STRA6: variants seen among roughly 807,000 people sequenced by gnomAD.
STRA6 encodes the protein signaling receptor and transporter of retinol STRA6.
In STRA6, 48 loss-of-function variants were observed where a neutral mutation model predicts 83.6. The ratio of observed to expected loss-of-function variants is 0.57; its 90% confidence interval spans 0.46 to 0.73. The LOEUF (loss-of-function observed/expected upper bound fraction) is 0.73, where lower values mean the gene tolerates loss of function less well. STRA6 is among the 30% of genes least tolerant of loss of function. STRA6 has a pLI of 0.00. For synonymous variants in STRA6, 353 were observed against 362.3 expected, an observed-to-expected ratio of 0.97 and a Z score of 0.29; for missense variants, 760 against 838.8, an observed-to-expected ratio of 0.91 and a Z score of 1.16.
rs2073020157 is a variant in STRA6 at position 74,182,061 on chromosome 15, G to A, written c.1520+100C>T. On this transcript the variant is annotated intron_variant, in intron 16 of 18. Transcript: ENST00000395105. ...ACTATCATCTGGGTTCCTTGATAGA[G>A]AGAAGGGATAGATGGCAGTGGAGGG... 6 of 1,059,356 alleles carry A rather than the reference G, an allele frequency of 5.7e-6. No homozygotes were observed. The Admixed American group carries it at 8.9e-5, about 16-fold the overall frequency. 65.6% of individuals were successfully genotyped at this position (1,059,356 alleles called of 1,614,324 possible).
rs747355450 is a variant in STRA6, at chr15:74,185,012, G to A, written c.1134C>T (p.Phe378=). Residue 378 remains phenylalanine (F), a synonymous_variant, in exon 13 of 19, where the codon TTC becomes TTT. Coordinates refer to ENST00000395105, the MANE Select transcript of STRA6 (RefSeq NM_022369.4). ...TCACCAGTGAGCGCATCAGGACCAGGAAGGTGAGTAAGCAGGACAAGACCA... is the reference window on the plus strand; with the variant it reads ...TCACCAGTGAGCGCATCAGGACCAGAAAGGTGAGTAAGCAGGACAAGACCA... ...SALVLSCLLT[F]LVLMRSLVTH... 1.2e-5 allele frequency: 20 copies of A among 1,613,954 alleles called. No homozygotes were observed. The highest frequency in any genetic ancestry group is 3.3e-4 in the Middle Eastern group (2 of 6,084).
intron 8 of STRA6, chr15:74,191,940 G>T: frequency 3.6e-6 from 1 of 281,306 alleles, no homozygotes; most frequent in South Asian, 4.1e-5. Context: ...CTGCCACTGC[G>T]CAAGGGAGAT....
chr15:74,190,290 G>A (rs2073465888), intron 11 of STRA6, among the ~76,000 whole-genome samples: 1 of 152,304 alleles, frequency 6.6e-6, no homozygotes, highest in East Asian at 1.9e-4. Flanking sequence ...CTTAGGCTAC[G>A]CTGAGATATT....
Position 74,195,382 on chromosome 15 carries a change from G to A in STRA6, c.517C>T (p.His173Tyr). The A allele has an allele frequency of 6.2e-7, 1 of 1,613,712 alleles. No individual in the cohort carries two copies. The highest frequency in any genetic ancestry group is 1.1e-5 in the South Asian group (1 of 91,054). Residue 173 changes from histidine (H) to tyrosine (Y), a missense_variant, in exon 7 of 19, where the codon CAC (histidine) becomes TAC (tyrosine). Coordinates refer to ENST00000395105, the MANE Select transcript of STRA6 (RefSeq NM_022369.4). Reference protein sequence around the residue: ...ACATAGHTAAHLLGSTLSWAH... With the variant: ...ACATAGHTAAYLLGSTLSWAH... ...CAGGACAGCGTGCTGCCGAGCAGGTGTGCAGCTGTGTGGCCAGCCGTGGCA... is the reference window on the plus strand; with the variant it reads ...CAGGACAGCGTGCTGCCGAGCAGGTATGCAGCTGTGTGGCCAGCCGTGGCA...
chr15:74,188,557 G>A lies in STRA6; in HGVS notation c.1090+558C>T, dbSNP rs28498644. ...TCCCCTCCACAGCGCTGTTGGGAGCGCCCAGGAGGCAGAGTAAGTAGGTGG... is the reference window on the plus strand; with the variant it reads ...TCCCCTCCACAGCGCTGTTGGGAGCACCCAGGAGGCAGAGTAAGTAGGTGG... On this transcript the variant is annotated intron_variant, in intron 12 of 18. Transcript: ENST00000395105. The surrounding 1 kb of genome is among the most constrained non-coding windows in gnomAD (Gnocchi z 4.5). Among the ~76,000 whole-genome samples, 4 of 152,338 alleles carry A rather than the reference G, an allele frequency of 2.6e-5. No individual in the cohort carries two copies. Among genetic ancestry groups the A allele is most frequent in the South Asian group, 4.1e-4 (2 of 4,830 alleles).
upstream of STRA6, among the ~76,000 whole-genome samples, chr15:74,210,906 C>T (rs980630746): frequency 6.6e-6 from 1 of 152,160 alleles, no homozygotes; most frequent in Admixed American, 6.5e-5. Flanking sequence ...AGCTGGATCT[C>T]AGGCAGCCAT....
upstream of STRA6, among the ~76,000 whole-genome samples, chr15:74,204,590 C>T (rs1490111246): frequency 1.3e-5 from 2 of 152,202 alleles, no homozygotes; most frequent in South Asian, 4.1e-4. Context: ...GAGCCCACTC[C>T]CTCTACAAGG....
In STRA6 at chr15:74,193,871, CGAGGCCCAGCAGGA is replaced by C. The variant is rs1162387754; in HGVS notation, c.635_648del (p.Leu212ArgfsTer18). The C allele has an allele frequency of 1.2e-6, 2 of 1,613,904 alleles. No homozygotes were observed. The highest frequency in any genetic ancestry group is 3.3e-5 in the Admixed American group (2 of 59,998). On this transcript the variant is annotated frameshift_variant, in exon 8 of 19. Coordinates refer to ENST00000395105, the MANE Select transcript of STRA6 (RefSeq NM_022369.4). LOFTEE classifies it high-confidence loss of function. ...ACAGGGTACCAAAGGCTCAGGAATC[CGAGGCCCAGCAGGA>C]GAGGCAGGGAGGCCAGCAGGGAGTA... is the stretch of plus-strand genomic sequence containing the variant.
chr15:74,195,065 C>T, intron 7 of STRA6: 2 of 1,447,122 alleles, frequency 1.4e-6, no homozygotes, highest in Non-Finnish European at 9.1e-7. Flanking sequence ...ACTTCCCCTT[C>T]TCCGCCACCT....
chr15:74,180,369 C>T, intron 18 of STRA6, 126 bp from the exon 19 acceptor site: 2 of 1,207,744 alleles, frequency 1.7e-6, no homozygotes, highest in South Asian at 2.6e-5. Context: ...AGGATGTCCC[C>T]TGCAGGCAGC....
intron 16 of STRA6, 61 bp from the exon 17 acceptor site, chr15:74,181,519 T>TGTCAGA: frequency 6.3e-7 from 1 of 1,591,236 alleles, no homozygotes; most frequent in Non-Finnish European, 8.6e-7. Context: ...CCAGGGTCAG[T>TGTCAGA]GTCAGACCTG....
intron 10 of STRA6, 48 bp from the exon 11 acceptor site, chr15:74,190,949 C>CGGGA: frequency 6.2e-7 from 1 of 1,612,216 alleles, no homozygotes; most frequent in Middle Eastern, 1.6e-4. Context: ...CACTCAGGCC[C>CGGGA]GGGAGCCCTC....
At chr15:74,191,541 T>G (rs760501265) in intron 8 of STRA6, 50 bp from the exon 9 acceptor site, 3 of 1,516,430 alleles carry the variant, frequency 2.0e-6, no homozygotes, top group South Asian at 1.1e-5. Context: ...CTCGACCCAT[T>G]CGTGGGTCCC....
At chr15:74,209,577 G>A, upstream of STRA6, 1 of 742,000 alleles carries the variant, frequency 1.3e-6, no homozygotes, top group Non-Finnish European at 2.1e-6. Context: ...CCCCCTCGGA[G>A]CTTTCTCTTC....
intron 1 of STRA6, chr15:74,207,998 T>A (rs2074301799): frequency 7.1e-7 from 1 of 1,402,314 alleles, no homozygotes; most frequent in Non-Finnish European, 9.3e-7. Flanking sequence ...AAGCACCATC[T>A]GATGTGCCCT....
At chr15:74,195,235 G>A in intron 7 of STRA6, 67 bp downstream of exon 7, 1 of 1,586,304 alleles carries the variant, frequency 6.3e-7, no homozygotes, top group Non-Finnish European at 8.6e-7. Flanking sequence ...GCTCAAAGGA[G>A]GCACTGTGGT....
At chr15:74,190,717 C>CAGCACCTGGTCAGGGTTCTGGATGG (rs2073487773) in intron 11 of STRA6, 123 bp downstream of exon 11, 4 of 1,445,928 alleles carry the variant, frequency 2.8e-6, no homozygotes, top group Middle Eastern at 2.3e-4. Context: ...AGATGGCCTG[C>CAGCACCTGGTCAGGGTTCTGGATGG]AGCACCTGGT....
Position 74,185,015 on chromosome 15 carries a change from GGTGA to G in STRA6, c.1127_1130del (p.Leu376ProfsTer5). The G allele has an allele frequency of 3.1e-6, 5 of 1,614,076 alleles. No homozygotes were observed. Among genetic ancestry groups the G allele is most frequent in the Non-Finnish European group, 2.5e-6 (3 of 1,179,994 alleles). On this transcript the variant is annotated frameshift_variant, in exon 13 of 19. Coordinates refer to ENST00000395105, the MANE Select transcript of STRA6 (RefSeq NM_022369.4). LOFTEE classifies it high-confidence loss of function. ...CCAGTGAGCGCATCAGGACCAGGAA[GGTGA>G]GTAAGCAGGACAAGACCAAGGCTGA...
intron 2 of STRA6, among the ~76,000 whole-genome samples, chr15:74,198,189 C>A (rs1326781422): frequency 2.0e-5 from 3 of 151,992 alleles, no homozygotes; most frequent in Non-Finnish European, 4.4e-5. Context: ...TTACTGCAGC[C>A]TCAGCCTCCT....
Sources: allele counts gnomAD v4.1 joint callset (sites outside exome capture counted in the v4.1 genomes callset), GRCh38; gene constraint gnomAD v4.1.1; non-coding constraint Gnocchi (gnomAD v3.1); transcripts MANE v1.5; gene names NCBI Gene and HGNC (gene_info 2026-07-23, HGNC 2026-07-21).